The following RAD23B variants were observed in gnomAD, a reference collection of about 807,000 sequenced individuals.
RAD23B encodes RAD23 nucleotide excision repair protein B.
A neutral mutation model predicts 49.1 loss-of-function variants in RAD23B; 5 were observed. The ratio of observed to expected loss-of-function variants is 0.10; its 90% CI spans 0.05 to 0.21. The LOEUF is 0.21. Among genes scored for constraint, RAD23B ranks in the 10% least tolerant of loss-of-function variants. The pLI is 1.00. For missense variants in RAD23B, 356 were observed against 486.7 expected, an observed-to-expected ratio of 0.73 and a Z score of 2.53; for synonymous variants, 184 against 165.4, an observed-to-expected ratio of 1.11 and a Z score of -0.86.
chr9:107,300,266 C>G (rs2133073694), intron 2 of RAD23B, 44 bp downstream of exon 2: 4 of 1,563,730 alleles, frequency 2.6e-6, no homozygotes, highest in Non-Finnish European at 3.5e-6. Flanking sequence ...TCTTGATATT[C>G]TTTTAGTTTT....
At chr9:107,324,287 AT>A (rs1254949531) in intron 8 of RAD23B, among the ~76,000 whole-genome samples, 6 of 152,250 alleles carry the variant, frequency 3.9e-5, no homozygotes, top group Non-Finnish European at 8.8e-5. Context: ...ACACATTAAT[AT>A]GTTAAAGAAT....
chr9:107,302,102 T>C lies in RAD23B; in HGVS notation c.216T>C (p.Val72=). ...YKIDEKNFVV[V]MVTKPKAVST... ...TTGATGAGAAAAACTTTGTGGTGGTTATGGTGACCAAAGTAAGTTTCAACC... is the reference window on the plus strand; with the variant it reads ...TTGATGAGAAAAACTTTGTGGTGGTCATGGTGACCAAAGTAAGTTTCAACC... Residue 72 remains valine (V), a synonymous_variant, in exon 3 of 10, where the codon GTT becomes GTC. Transcript: ENST00000358015. 1.2e-6 allele frequency: 2 copies of C among 1,613,130 alleles called. No homozygotes were observed. Among genetic ancestry groups the C allele is most frequent in the Non-Finnish European group, 1.7e-6 (2 of 1,179,714 alleles).
chr9:107,309,912 C>T (rs1587856725), intron 4 of RAD23B, among the ~76,000 whole-genome samples: 1 of 113,504 alleles, frequency 8.8e-6, no homozygotes, highest in Admixed American at 1.3e-4. Context: ...GCCTGGGCGA[C>T]AGAGTGAGAC....
Position 107,329,662 on chromosome 9 carries a change from A to T in RAD23B, c.*6A>T. 2 of 1,571,588 alleles carry T rather than the reference A, an allele frequency of 1.3e-6. No homozygotes were observed. The highest frequency in any genetic ancestry group is 1.8e-6 in the Non-Finnish European group (2 of 1,142,092). On this transcript the variant is annotated 3_prime_UTR_variant, in exon 10 of 10. Transcript: ENST00000358015. ...AGAACTTTGATGAAGATTGAAAGGG[A>T]CTTTTTTATATCTCACACTTCACAC...
intron 1 of RAD23B, among the ~76,000 whole-genome samples, chr9:107,291,035 C>G (rs527547819): frequency 1.2e-3 from 181 of 152,312 alleles, no homozygotes; most frequent in African/African-American, 4.1e-3. Flanking sequence ...AATTTTACAA[C>G]TGAATGAGCT....
At chr9:107,298,843 TAAAA>T (rs1373574126) in intron 1 of RAD23B, among the ~76,000 whole-genome samples, 1 of 152,056 alleles carries the variant, frequency 6.6e-6, no homozygotes, top group East Asian at 1.9e-4. Flanking sequence ...TGTTTGGCTT[TAAAA>T]AAATTTTACT....
At chr9:107,311,795 T>A (rs181100747) in intron 5 of RAD23B, 58 bp downstream of exon 5, 3 of 1,286,470 alleles carry the variant, frequency 2.3e-6, no homozygotes, top group Non-Finnish European at 3.2e-6. Flanking sequence ...GAGGTTTCAC[T>A]TTTCTAGATC....
chr9:107,285,452 A>G lies in RAD23B; in HGVS notation c.66+1757A>G, dbSNP rs536932107. On this transcript the variant is annotated intron_variant, in intron 1 of 9. Transcript: ENST00000358015. ...AAGAAATATTGTGGCTTTTTGGTAA[A>G]TATGTGTGGGTGTATTGAAGTTATG... Among the ~76,000 whole-genome samples the G allele has an allele frequency of 3.7e-4, 57 of 152,266 alleles. No homozygotes were observed. In the South Asian group the frequency reaches 0.011, roughly 28 times the overall value.
chr9:107,316,315 C>T (rs1826995255), intron 5 of RAD23B, among the ~76,000 whole-genome samples: 1 of 152,128 alleles, frequency 6.6e-6, no homozygotes, highest in South Asian at 2.1e-4. Context: ...TAGTCTTTAC[C>T]AAATTATTAA....
Position 107,321,979 on chromosome 9 carries a change from A to G in RAD23B, c.682-4A>G, listed in dbSNP as rs777512758. 1.2e-6 allele frequency: 2 copies of G among 1,600,704 alleles called. No homozygotes were observed. Among genetic ancestry groups the G allele is most frequent in the South Asian group, 1.1e-5 (1 of 88,906 alleles). ...TATCTTAAAGCTTGGAAATTCTATT[A>G]CAGGGAATCCCTGGAGATAGAGAAA... On this transcript the variant is annotated splice_region_variant and splice_polypyrimidine_tract_variant and intron_variant, in intron 6 of 9. Coordinates refer to ENST00000358015, the MANE Select transcript of RAD23B (RefSeq NM_002874.5).
chr9:107,302,660 G>T lies in RAD23B; in HGVS notation c.228+546G>T, dbSNP rs201064810. On this transcript the variant is annotated intron_variant, in intron 3 of 9. Transcript: ENST00000358015. ...AGGAAGTTTTTTTTGTTTTTGTTTT[G>T]TTTTTTTTTTTTTGAGACGGAGTCT... Among the ~76,000 whole-genome samples the T allele has an allele frequency of 5.7e-4, 82 of 143,324 alleles. No individual in the cohort carries two copies. In the South Asian group the frequency reaches 9.8e-3, roughly 17 times the overall value. 94.0% of individuals were successfully genotyped at this position (143,324 alleles called of 152,430 possible). A position where few individuals can be genotyped will look rare whatever the true frequency, so the allele number is the denominator to read the frequency against.
Position 107,322,073 on chromosome 9 carries a change from G to A in RAD23B, c.772G>A (p.Ala258Thr). ...GAPQSSAVAA[A>T]AATTTATTTT... ...TCCTCAGTCTTCAGCAGTGGCTGCA[G>A]CTGCAGCAACTACGACAGCAACAAC... Residue 258 changes from alanine to threonine, a missense_variant, in exon 7 of 10, where the codon GCT (alanine) becomes ACT (threonine). Transcript: ENST00000358015. 1 of 1,611,954 alleles carries A rather than the reference G, an allele frequency of 6.2e-7. No homozygotes were observed.
At chr9:107,288,207 G>T (rs1410265182) in intron 1 of RAD23B, among the ~76,000 whole-genome samples, 1 of 152,084 alleles carries the variant, frequency 6.6e-6, no homozygotes, top group Admixed American at 6.6e-5. Context: ...TTCTTTTGGT[G>T]AACTGGCAAA....
intron 9 of RAD23B, among the ~76,000 whole-genome samples, chr9:107,325,459 C>G (rs1351188965): frequency 1.3e-5 from 2 of 151,416 alleles, no homozygotes; most frequent in Non-Finnish European, 2.9e-5. Flanking sequence ...TTGTGTAATA[C>G]TTTTGTTAAA....
intron 1 of RAD23B, among the ~76,000 whole-genome samples, chr9:107,286,675 T>C (rs1029593407): frequency 6.6e-6 from 1 of 152,178 alleles, no homozygotes; most frequent in Non-Finnish European, 1.5e-5. Flanking sequence ...TATGTGCTTT[T>C]TTTGTTTTTT....
At chr9:107,326,633 T>TG (rs1205947050) in intron 9 of RAD23B, among the ~76,000 whole-genome samples, 1 of 90,868 alleles carries the variant, frequency 1.1e-5, no homozygotes, top group Non-Finnish European at 2.1e-5. Context: ...ATTTCTTTTT[T>TG]TTTTTTTTTT....
At chr9:107,321,578 TAAA>T (rs2133094534) in intron 6 of RAD23B, among the ~76,000 whole-genome samples, 1 of 152,298 alleles carries the variant, frequency 6.6e-6, no homozygotes, top group African/African-American at 2.4e-5. Flanking sequence ...TCTAAGAAGT[TAAA>T]AAGTCAACTG....
chr9:107,318,531 C>T lies in RAD23B; in HGVS notation c.554-221C>T, dbSNP rs1241376967. Among the ~76,000 whole-genome samples, 1 of 152,148 alleles carries T rather than the reference C, an allele frequency of 6.6e-6. No homozygotes were observed. The highest frequency in any genetic ancestry group is 1.5e-5 in the Non-Finnish European group (1 of 68,022). Reference sequence around the variant, plus strand: ...TTAATTTTATCTATAACCGCAATTTCCCTTTGCCTTGTAACCTATTTATAG... The same window carrying T: ...TTAATTTTATCTATAACCGCAATTTTCCTTTGCCTTGTAACCTATTTATAG... On this transcript the variant is annotated intron_variant, in intron 5 of 9. Transcript: ENST00000358015. The surrounding 1 kb of genome is among the most constrained non-coding windows in gnomAD (Gnocchi z 4.3).
chr9:107,311,258 T>G (rs1587857409), intron 4 of RAD23B, among the ~76,000 whole-genome samples: 1 of 152,208 alleles, frequency 6.6e-6, no homozygotes, highest in African/African-American at 2.4e-5. Context: ...ATGTAAAGAC[T>G]TTATAGCCTA....
Sources: gnomAD v4.1 joint callset for allele counts (sites outside exome capture counted in the v4.1 genomes callset) on GRCh38, gnomAD v4.1.1 for gene constraint, Gnocchi (gnomAD v3.1) non-coding constraint, MANE v1.5 for transcripts, NCBI Gene and HGNC (gene_info 2026-07-23, HGNC 2026-07-21) for gene names.